NR5A2: variants seen among roughly 807,000 people sequenced by gnomAD.
The protein encoded by NR5A2 is nuclear receptor subfamily 5 group A member 2.
A neutral mutation model predicts 62.7 loss-of-function variants in NR5A2; 26 were observed. The observed-to-expected ratio is 0.41, with a 90% CI of 0.30 to 0.58. The LOEUF (loss-of-function observed/expected upper bound fraction) is 0.58, where lower values mean the gene tolerates loss of function less well. Ranked by LOEUF, NR5A2 falls within the 20% of genes least tolerant of loss-of-function variation. NR5A2 has a pLI of 0.22. For missense variants in NR5A2, 541 were observed against 669.1 expected (o/e 0.81, Z 2.11); for synonymous variants, 246 against 241.7 (o/e 1.02, Z -0.16).
At chr1:200,070,516 CA>C (rs1209287631) in intron 5 of NR5A2, among the ~76,000 whole-genome samples, 1 of 151,946 alleles carries the variant, frequency 6.6e-6, no homozygotes, top group African/African-American at 2.4e-5. Context: ...CCTGTCTCTA[CA>C]AAAAATTTAA....
chr1:200,060,123 T>C (rs1328292677), intron 5 of NR5A2, among the ~76,000 whole-genome samples: 4 of 152,216 alleles, frequency 2.6e-5, no homozygotes, highest in Non-Finnish European at 4.4e-5. Context: ...ATTTTCTTTA[T>C]CTTCTCCTCT....
chr1:200,042,391 AT>A (rs1257201307), intron 2 of NR5A2, among the ~76,000 whole-genome samples: 3 of 152,180 alleles, frequency 2.0e-5, no homozygotes, highest in Non-Finnish European at 2.9e-5. Flanking sequence ...GAGAAAAAAA[AT>A]AACTTTATTT....
At chr1:200,120,272 G>A (rs905610705) in intron 6 of NR5A2, among the ~76,000 whole-genome samples, 8 of 151,974 alleles carry the variant, frequency 5.3e-5, no homozygotes, top group African/African-American at 1.7e-4. Flanking sequence ...TTTTCCTCAT[G>A]CACTAGTTAA....
intron 5 of NR5A2, among the ~76,000 whole-genome samples, chr1:200,099,681 C>A (rs961370998): frequency 3.3e-5 from 5 of 152,136 alleles, no homozygotes; most frequent in Non-Finnish European, 7.3e-5. Context: ...GCAACCTCTG[C>A]CTCCCAGGTT....
chr1:200,073,268 TTATATATA>T (rs371537456), intron 5 of NR5A2, among the ~76,000 whole-genome samples: 10 of 111,206 alleles, frequency 9.0e-5, no homozygotes, highest in African/African-American at 1.4e-4. Flanking sequence ...ATATTCCCCT[TTATATATA>T]TATATATATA....
chr1:200,150,888 C>T (rs1157288590), intron 7 of NR5A2, among the ~76,000 whole-genome samples: 1 of 152,150 alleles, frequency 6.6e-6, no homozygotes, highest in Non-Finnish European at 1.5e-5. Context: ...TCAGCCTAAT[C>T]GCCTCTTCAC....
chr1:200,092,309 C>T (rs1020347525), intron 5 of NR5A2, among the ~76,000 whole-genome samples: 1 of 152,132 alleles, frequency 6.6e-6, no homozygotes, highest in Non-Finnish European at 1.5e-5. Flanking sequence ...TAAAAAGACG[C>T]ACTATAAGTT....
intron 5 of NR5A2, among the ~76,000 whole-genome samples, chr1:200,089,750 G>A (rs1246129470): frequency 2.0e-5 from 3 of 152,148 alleles, no homozygotes; most frequent in Non-Finnish European, 2.9e-5. Context: ...GATTACAGGC[G>A]TGAGCCACTG....
chr1:200,156,737 C>T (rs558356228), intron 7 of NR5A2, among the ~76,000 whole-genome samples: 18 of 152,238 alleles, frequency 1.2e-4, no homozygotes, highest in African/African-American at 4.3e-4. Context: ...CAATAAATTA[C>T]ATGAGATACT....
intron 5 of NR5A2, among the ~76,000 whole-genome samples, chr1:200,109,248 T>C (rs1382765582): frequency 6.6e-6 from 1 of 152,192 alleles, no homozygotes; most frequent in African/African-American, 2.4e-5. Flanking sequence ...GGGGATGCCT[T>C]TTCCTGATCA....
chr1:200,085,125 G>T (rs1487589005), intron 5 of NR5A2, among the ~76,000 whole-genome samples: 1 of 152,188 alleles, frequency 6.6e-6, no homozygotes, highest in African/African-American at 2.4e-5. Context: ...AGGATCAGAA[G>T]TGACATGTAT....
intron 7 of NR5A2, among the ~76,000 whole-genome samples, chr1:200,141,809 CTT>C (rs1667452359): frequency 1.3e-5 from 2 of 152,306 alleles, no homozygotes; most frequent in South Asian, 4.1e-4. Context: ...AATATAGTCT[CTT>C]AACACTTGGG....
intron 5 of NR5A2, among the ~76,000 whole-genome samples, chr1:200,082,010 T>A (rs1165457637): frequency 6.6e-6 from 1 of 152,218 alleles, no homozygotes; most frequent in African/African-American, 2.4e-5. Context: ...TCACTGTTTG[T>A]CAGCAGGTGT....
intron 4 of NR5A2, among the ~76,000 whole-genome samples, chr1:200,047,225 C>G (rs1662408066): frequency 6.6e-6 from 1 of 152,206 alleles, no homozygotes; most frequent in Non-Finnish European, 1.5e-5. Flanking sequence ...GCAGAAGACT[C>G]TCTTGACAGC....
intron 7 of NR5A2, among the ~76,000 whole-genome samples, chr1:200,125,293 CT>C (rs1213782956): frequency 2.0e-5 from 3 of 152,238 alleles, no homozygotes; most frequent in Admixed American, 2.0e-4. Context: ...ACAATTCTTT[CT>C]TGGCATTGAT....
At chr1:200,148,193 C>T (rs1323624255) in intron 7 of NR5A2, 2 of 277,452 alleles carry the variant, frequency 7.2e-6, no homozygotes, top group East Asian at 2.1e-4. Context: ...TGCAACCTGT[C>T]CGTTGGGCCT....
At chr1:200,165,484 A>C (rs1266841149) in intron 7 of NR5A2, among the ~76,000 whole-genome samples, 2 of 152,196 alleles carry the variant, frequency 1.3e-5, no homozygotes, top group Non-Finnish European at 2.9e-5. Context: ...CTGCCCTAGA[A>C]GTCCTCTGTG....
intron 5 of NR5A2, among the ~76,000 whole-genome samples, chr1:200,089,352 G>A (rs942995556): frequency 6.6e-6 from 1 of 151,578 alleles, no homozygotes; most frequent in African/African-American, 2.4e-5. Flanking sequence ...GTAGAGACTG[G>A]GTTTCGCCAC....
At chr1:200,088,710 C>T (rs1029617846) in intron 5 of NR5A2, among the ~76,000 whole-genome samples, 2 of 152,206 alleles carry the variant, frequency 1.3e-5, no homozygotes, top group African/African-American at 4.8e-5. Flanking sequence ...ACACCTTTGC[C>T]CTTTTCTCCA....
Sources: gnomAD v4.1 joint callset for allele counts (sites outside exome capture counted in the v4.1 genomes callset) on GRCh38, gnomAD v4.1.1 for gene constraint, MANE v1.5 for transcripts, NCBI Gene and HGNC (gene_info 2026-07-23, HGNC 2026-07-21) for gene names.